The following LOC400499 variants were observed in gnomAD, a reference collection of about 807,000 sequenced individuals.
At chr16:11,438,396 C>T in the LOC400499 span, among the ~76,000 whole-genome samples, 256 of 152,082 alleles carry the variant, frequency 1.7e-3, 1 homozygote, top group African/African-American at 5.7e-3. Flanking sequence ...ATAAGCAGTT[C>T]CCTCCATTCA....
the LOC400499 span, chr16:11,443,354 A>AT: frequency 4.2e-5 from 15 of 354,956 alleles, no homozygotes; most frequent in Admixed American, 1.2e-4. Flanking sequence ...AAAAAAAAAA[A>AT]AAAATGATCG....
chr16:11,495,317 C>G, the LOC400499 span, among the ~76,000 whole-genome samples: 1 of 152,140 alleles, frequency 6.6e-6, no homozygotes, highest in South Asian at 2.1e-4. Flanking sequence ...GGAAGGCAAA[C>G]AGGAGGGGGT....
the LOC400499 span, among the ~76,000 whole-genome samples, chr16:11,458,847 C>T: frequency 6.6e-6 from 1 of 151,850 alleles, no homozygotes; most frequent in South Asian, 2.1e-4. Context: ...CCAGCCTGGC[C>T]AACATGGAGA....
At chr16:11,490,868 T>A in the LOC400499 span, among the ~76,000 whole-genome samples, 2 of 152,102 alleles carry the variant, frequency 1.3e-5, no homozygotes, top group African/African-American at 4.8e-5. Flanking sequence ...CATAGGAAAA[T>A]ACTGGGGGGA....
chr16:11,489,290 G>C, the LOC400499 span, among the ~76,000 whole-genome samples: 9 of 152,336 alleles, frequency 5.9e-5, no homozygotes, highest in African/African-American at 1.7e-4. Context: ...TGTGGCCTGA[G>C]ATGGTCACTC....
chr16:11,452,051 T>C, the LOC400499 span, among the ~76,000 whole-genome samples: 2 of 152,162 alleles, frequency 1.3e-5, no homozygotes, highest in Admixed American at 1.3e-4. Flanking sequence ...ATAGCGCCTC[T>C]TTCCAAACAA....
the LOC400499 span, among the ~76,000 whole-genome samples, chr16:11,432,541 G>A: frequency 3.3e-5 from 5 of 152,050 alleles, no homozygotes; most frequent in Non-Finnish European, 5.9e-5. Flanking sequence ...AGAATTAAAC[G>A]AACTTTGGAA....
At chr16:11,393,512 G>A in the LOC400499 span, 4 of 1,232,330 alleles carry the variant, frequency 3.2e-6, no homozygotes, top group African/African-American at 6.2e-5. Context: ...AAGTCGAGGT[G>A]GAGACACGGC....
At chr16:11,402,790 G>A in the LOC400499 span, among the ~76,000 whole-genome samples, 1 of 152,184 alleles carries the variant, frequency 6.6e-6, no homozygotes, top group Non-Finnish European at 1.5e-5. Flanking sequence ...CGCCACGCTT[G>A]CTTTATGCCG....
chr16:11,412,048 G>T, the LOC400499 span, among the ~76,000 whole-genome samples: 1 of 151,938 alleles, frequency 6.6e-6, no homozygotes, highest in East Asian at 1.9e-4. Flanking sequence ...ATTTTTTGTA[G>T]CGATGGGGAT....
At chr16:11,479,529 G>A in the LOC400499 span, among the ~76,000 whole-genome samples, 5 of 151,824 alleles carry the variant, frequency 3.3e-5, no homozygotes, top group Admixed American at 2.0e-4. Flanking sequence ...AAGCTGAGGT[G>A]GGAGGATCGC....
the LOC400499 span, among the ~76,000 whole-genome samples, chr16:11,482,920 TCAA>T: frequency 7.2e-6 from 1 of 139,104 alleles, no homozygotes; most frequent in African/African-American, 2.7e-5. Flanking sequence ...AAAGAAAAAA[TCAA>T]CAACTTGTTT....
At chr16:11,494,855 T>C in the LOC400499 span, 2 of 398,254 alleles carry the variant, frequency 5.0e-6, no homozygotes, top group Non-Finnish European at 4.4e-6. Flanking sequence ...GGCAACTTCA[T>C]AATACAGAGC....
chr16:11,385,782 G>A, the LOC400499 span, among the ~76,000 whole-genome samples: 1 of 152,230 alleles, frequency 6.6e-6, no homozygotes, highest in Non-Finnish European at 1.5e-5. Flanking sequence ...GTGGCTGCAG[G>A]GTTTCAGTTT....
At chr16:11,383,483 C>T in the LOC400499 span, among the ~76,000 whole-genome samples, 5 of 152,330 alleles carry the variant, frequency 3.3e-5, no homozygotes, top group South Asian at 2.1e-4. Flanking sequence ...CTCGAGGGGA[C>T]ACACATCCAA....
chr16:11,480,567 A>G, the LOC400499 span, among the ~76,000 whole-genome samples: 1 of 152,234 alleles, frequency 6.6e-6, no homozygotes. Flanking sequence ...CCATAGGATG[A>G]ATATTAAAAT....
At chr16:11,480,369 T>C in the LOC400499 span, among the ~76,000 whole-genome samples, 1 of 152,222 alleles carries the variant, frequency 6.6e-6, no homozygotes, top group African/African-American at 2.4e-5. Context: ...CTGCTCATCC[T>C]GGTGTTCCCA....
the LOC400499 span, among the ~76,000 whole-genome samples, chr16:11,403,617 C>T: frequency 2.0e-5 from 3 of 152,302 alleles, no homozygotes; most frequent in South Asian, 6.2e-4. Context: ...CCTGGTAAGC[C>T]GTGCCTCCAG....
the LOC400499 span, among the ~76,000 whole-genome samples, chr16:11,509,851 A>C: frequency 6.6e-6 from 1 of 152,096 alleles, no homozygotes; most frequent in Non-Finnish European, 1.5e-5. Flanking sequence ...AAACACAACA[A>C]AACAACCAGA....
Sources: gnomAD v4.1 joint callset for allele counts (sites outside exome capture counted in the v4.1 genomes callset) on GRCh38, gnomAD v4.1.1 for gene constraint, MANE v1.5 for transcripts.